SLC4A10: variants seen among roughly 807,000 people sequenced by gnomAD.
SLC4A10 encodes solute carrier family 4 member 10, also known as sodium-driven chloride bicarbonate exchanger.
SLC4A10 carries 42 observed loss-of-function variants against 137.7 expected under a neutral mutation model. That is an observed-to-expected ratio of 0.30 (90% CI 0.24 to 0.39). SLC4A10 has a LOEUF of 0.39. Ranked by LOEUF, SLC4A10 falls within the 10% of genes least tolerant of loss-of-function variation. The pLI, the probability that SLC4A10 is intolerant of heterozygous loss-of-function variation, is 1.00. For missense variants in SLC4A10, 925 were observed against 1,355.0 expected, an observed-to-expected ratio of 0.68 and a Z score of 4.98; for synonymous variants, 474 against 464.1, an observed-to-expected ratio of 1.02 and a Z score of -0.27.
chr2:161,659,280 A>G, intron 1 of SLC4A10, among the ~76,000 whole-genome samples: 1 of 152,236 alleles, frequency 6.6e-6, no homozygotes, highest in Non-Finnish European at 1.5e-5. Flanking sequence ...GGAGGCCATT[A>G]TCTTAAGTAA....
At position 161,882,319 on chromosome 2, in the gene SLC4A10, T is replaced by C. The variant is rs184125461; in HGVS notation, c.1107-38T>C. On this transcript the variant is annotated intron_variant, in intron 9 of 26. Transcript: ENST00000446997. ...CTGTATTACTAAAATTATTTTTATA[T>C]TTCTACCTTAAAACATTTTTTTTCT... is the stretch of plus-strand genomic sequence containing the variant. 8.6e-4 allele frequency: 1,108 copies of C among 1,293,546 alleles called. 3 individuals are homozygous for C. In the African/African-American group the frequency reaches 0.015, roughly 18 times the overall value. 80.1% of individuals were successfully genotyped at this position (1,293,546 alleles called of 1,614,324 possible). A position where few individuals can be genotyped will look rare whatever the true frequency, so the allele number is the denominator to read the frequency against.
In SLC4A10 at chr2:161,816,774, C is replaced by G. The variant is rs557346275; in HGVS notation, c.277+12179C>G. ...AATAGTTTGCTGAGAATGATGGTTT[C>G]CAGCTTCATCCATGTCCCTACAAAG... is the stretch of plus-strand genomic sequence containing the variant. On this transcript the variant is annotated intron_variant, in intron 3 of 26. Coordinates refer to ENST00000446997, the MANE Select transcript of SLC4A10 (RefSeq NM_001178015.2). Among the ~76,000 whole-genome samples the G allele has an allele frequency of 2.0e-5, 3 of 152,140 alleles. No individual in the cohort carries two copies. The East Asian group carries it at 5.8e-4, about 29-fold the overall frequency.
chr2:161,966,862 A>AAATTTAAATTTAAATTT (rs1559648141), intron 23 of SLC4A10, among the ~76,000 whole-genome samples: 2 of 152,230 alleles, frequency 1.3e-5, no homozygotes, highest in African/African-American at 4.8e-5. Flanking sequence ...AATTTGGCAC[A>AAATTTAAATTTAAATTT]AGTTAAATTT....
At chr2:161,841,207 A>G (rs2059160151) in intron 4 of SLC4A10, among the ~76,000 whole-genome samples, 1 of 151,984 alleles carries the variant, frequency 6.6e-6, no homozygotes, top group Non-Finnish European at 1.5e-5. Flanking sequence ...CCTCCCTAGT[A>G]GCTGAGACCA....
intron 15 of SLC4A10, among the ~76,000 whole-genome samples, chr2:161,940,827 G>A (rs1330992661): frequency 3.9e-5 from 6 of 152,144 alleles, no homozygotes; most frequent in Non-Finnish European, 2.9e-5. Flanking sequence ...CAGCAGGCAG[G>A]GCACTGTGGC....
intron 1 of SLC4A10, among the ~76,000 whole-genome samples, chr2:161,655,018 T>C (rs926524005): frequency 2.6e-5 from 4 of 152,202 alleles, no homozygotes; most frequent in Non-Finnish European, 4.4e-5. Flanking sequence ...ACAGGATATC[T>C]TTCCATTTGT....
intron 1 of SLC4A10, among the ~76,000 whole-genome samples, chr2:161,709,047 T>C (rs1235679801): frequency 6.6e-6 from 1 of 151,304 alleles, no homozygotes; most frequent in Non-Finnish European, 1.5e-5. Context: ...TAAATTTGTG[T>C]TTACTTTAGC....
chr2:161,917,531 A>G (rs532894567), intron 15 of SLC4A10, among the ~76,000 whole-genome samples: 2 of 151,354 alleles, frequency 1.3e-5, no homozygotes, highest in Admixed American at 1.3e-4. Flanking sequence ...CTGTGATTGC[A>G]TGCACCACTG....
At chr2:161,816,586 GTCA>G (rs1455607331) in intron 3 of SLC4A10, among the ~76,000 whole-genome samples, 3 of 151,494 alleles carry the variant, frequency 2.0e-5, no homozygotes, top group African/African-American at 7.3e-5. Flanking sequence ...CCATTAACTC[GTCA>G]TTTAGCATTA....
chr2:161,815,035 A>G (rs902545085), intron 3 of SLC4A10, among the ~76,000 whole-genome samples: 1 of 152,192 alleles, frequency 6.6e-6, no homozygotes, highest in Non-Finnish European at 1.5e-5. Context: ...AATAGTAAAA[A>G]TAAATTTCTA....
chr2:161,839,358 G>A (rs1293534120), intron 3 of SLC4A10, among the ~76,000 whole-genome samples: 1 of 152,052 alleles, frequency 6.6e-6, no homozygotes, highest in African/African-American at 2.4e-5. Context: ...TTTTTTTGGT[G>A]AATAACATTC....
chr2:161,890,752 A>T (rs1266735382), intron 10 of SLC4A10, among the ~76,000 whole-genome samples: 1 of 152,156 alleles, frequency 6.6e-6, no homozygotes. Context: ...CCAAGTTGCC[A>T]GTCTGTGTCC....
intron 1 of SLC4A10, among the ~76,000 whole-genome samples, chr2:161,710,062 A>G (rs185280029): frequency 1.5e-3 from 225 of 151,710 alleles, no homozygotes; most frequent in Non-Finnish European, 2.6e-3. Flanking sequence ...CAATGAATTG[A>G]TTCAGTTAAG....
intron 11 of SLC4A10, among the ~76,000 whole-genome samples, chr2:161,899,865 G>T (rs1329348542): frequency 1.3e-5 from 2 of 152,006 alleles, no homozygotes. Context: ...CCATTTGCCT[G>T]GGAAAATTGT....
chr2:161,661,308 C>T (rs1402793944), intron 1 of SLC4A10, among the ~76,000 whole-genome samples: 1 of 152,092 alleles, frequency 6.6e-6, no homozygotes, highest in African/African-American at 2.4e-5. Flanking sequence ...AACCCCGTCT[C>T]TACTAAAAAT....
intron 4 of SLC4A10, among the ~76,000 whole-genome samples, chr2:161,852,204 C>G (rs1021658348): frequency 6.6e-6 from 1 of 152,154 alleles, no homozygotes; most frequent in Non-Finnish European, 1.5e-5. Flanking sequence ...TAGAGAAAAA[C>G]CTGTATTTCC....
At chr2:161,741,258 CAA>C (rs11314115) in intron 1 of SLC4A10, among the ~76,000 whole-genome samples, 2,018 of 100,012 alleles carry the variant, frequency 0.02, 20 homozygotes, top group African/African-American at 0.039. Flanking sequence ...GAAAGACTCT[CAA>C]AAAAAAAAAA....
chr2:161,747,479 C>A (rs780544439), intron 1 of SLC4A10, among the ~76,000 whole-genome samples: 1 of 152,062 alleles, frequency 6.6e-6, no homozygotes, highest in African/African-American at 2.4e-5. Context: ...CTGTTCATTG[C>A]CTCTTTTCTT....
intron 1 of SLC4A10, among the ~76,000 whole-genome samples, chr2:161,659,517 T>C (rs1290368054): frequency 6.6e-6 from 1 of 152,112 alleles, no homozygotes; most frequent in Non-Finnish European, 1.5e-5. Flanking sequence ...GAGTGGGTGA[T>C]GAGAAATTAC....
Sources: gnomAD v4.1 joint callset for allele counts (sites outside exome capture counted in the v4.1 genomes callset) on GRCh38, gnomAD v4.1.1 for gene constraint, MANE v1.5 for transcripts, NCBI Gene and HGNC (gene_info 2026-07-23, HGNC 2026-07-21) for gene names.